The following IL1RAPL1 variants were observed in gnomAD, a reference collection of about 807,000 sequenced individuals.
IL1RAPL1 encodes the protein interleukin-1 receptor accessory protein-like 1.
A neutral mutation model predicts 48.4 loss-of-function variants in IL1RAPL1; 3 were observed. That is an observed-to-expected ratio of 0.06 (90% confidence interval 0.03 to 0.16). The LOEUF (loss-of-function observed/expected upper bound fraction) is 0.16, where lower values mean the gene tolerates loss of function less well. Among genes scored for constraint, IL1RAPL1 ranks in the 10% least tolerant of loss-of-function variants. The pLI, the probability that IL1RAPL1 is intolerant of heterozygous loss-of-function variation, is 1.00. For missense variants in IL1RAPL1, 349 were observed against 530.6 expected, an observed-to-expected ratio of 0.66 and a Z score of 3.36; for synonymous variants, 185 against 187.7, an observed-to-expected ratio of 0.99 and a Z score of 0.12.
At chrX:29,843,898 C>G (rs771989667) in intron 6 of IL1RAPL1, among the ~76,000 whole-genome samples, 4 of 110,504 alleles carry the variant, frequency 3.6e-5, no homozygotes, top group Admixed American at 2.9e-4. Context: ...CTGGACCCAC[C>G]CAGATATTCC....
rs751520561 is a variant in IL1RAPL1, at chrX:29,229,104, CATACA to C, written c.83-53828_83-53824del. ...GAGGCAGAATGAGAAAAATAAGCAACATACAATACATTTTTTCATAAAATTAAATT... is the reference window on the plus strand; with the variant it reads ...GAGGCAGAATGAGAAAAATAAGCAACATACATTTTTTCATAAAATTAAATT... On this transcript the variant is annotated intron_variant, in intron 2 of 10. Coordinates refer to ENST00000378993, the MANE Select transcript of IL1RAPL1 (RefSeq NM_014271.4). Among the ~76,000 whole-genome samples, 66 of 112,022 alleles carry C rather than the reference CATACA, an allele frequency of 5.9e-4. 3 individuals are homozygous for C. The highest frequency in any genetic ancestry group is 5.6e-3 in the Admixed American group (59 of 10,511).
intron 6 of IL1RAPL1, among the ~76,000 whole-genome samples, chrX:29,695,137 G>A (rs1926876262): frequency 8.9e-6 from 1 of 111,966 alleles, no homozygotes; most frequent in South Asian, 3.7e-4. Flanking sequence ...AACATTTACT[G>A]AGGACTACTC....
intron 6 of IL1RAPL1, among the ~76,000 whole-genome samples, chrX:29,807,841 A>T (rs1601834376): frequency 9.0e-6 from 1 of 111,171 alleles, no homozygotes; most frequent in East Asian, 2.8e-4. Context: ...AGCAAAGCGC[A>T]TGATTATGCA....
At chrX:28,990,452 A>G (rs1925577227) in intron 2 of IL1RAPL1, among the ~76,000 whole-genome samples, 1 of 112,204 alleles carries the variant, frequency 8.9e-6, no homozygotes, top group Non-Finnish European at 1.9e-5. Flanking sequence ...CCTTAGACAT[A>G]CTAAATAGTT....
At chrX:29,507,739 G>A (rs1455202789) in intron 5 of IL1RAPL1, among the ~76,000 whole-genome samples, 1 of 110,266 alleles carries the variant, frequency 9.1e-6, no homozygotes, top group Non-Finnish European at 1.9e-5. Context: ...TTTCTTTACT[G>A]ACAAATTTAA....
intron 5 of IL1RAPL1, among the ~76,000 whole-genome samples, chrX:29,665,986 A>G (rs954222551): frequency 2.2e-4 from 25 of 111,631 alleles, no homozygotes; most frequent in Admixed American, 1.0e-3. Context: ...AGATCTAGGA[A>G]GGATTCTAGT....
At chrX:29,846,787 T>TATATATATAC (rs1164345536) in intron 6 of IL1RAPL1, among the ~76,000 whole-genome samples, 80 of 41,326 alleles carry the variant, frequency 1.9e-3, no homozygotes, top group Non-Finnish European at 3.1e-3. Flanking sequence ...TGTATATATG[T>TATATATATAC]ATATATATGT....
At chrX:28,667,689 A>G (rs1286562774) in intron 1 of IL1RAPL1, among the ~76,000 whole-genome samples, 1 of 112,360 alleles carries the variant, frequency 8.9e-6, no homozygotes, top group Non-Finnish European at 1.9e-5. Context: ...GATGGTTTGT[A>G]AACAACAGAA....
chrX:29,108,683 G>A (rs1928498120), intron 2 of IL1RAPL1, among the ~76,000 whole-genome samples: 1 of 111,319 alleles, frequency 9.0e-6, no homozygotes, highest in Non-Finnish European at 1.9e-5. Flanking sequence ...TTACAGGAGT[G>A]AGCCACCACG....
chrX:29,232,599 G>T (rs746347228), intron 2 of IL1RAPL1, among the ~76,000 whole-genome samples: 1 of 111,109 alleles, frequency 9.0e-6, no homozygotes, highest in Admixed American at 9.6e-5. Context: ...TCTCTCAGAC[G>T]AGCATCCTCC....
chrX:29,640,883 G>A (rs1392133161), intron 5 of IL1RAPL1, among the ~76,000 whole-genome samples: 2 of 111,999 alleles, frequency 1.8e-5, no homozygotes, highest in South Asian at 3.7e-4. Flanking sequence ...AATCACCAGC[G>A]GCCAGATGCA....
intron 5 of IL1RAPL1, among the ~76,000 whole-genome samples, chrX:29,547,586 A>C (rs373202322): frequency 2.7e-4 from 30 of 111,969 alleles, no homozygotes; most frequent in Non-Finnish European, 4.7e-4. Context: ...TTATAGAGAA[A>C]TGACAATTTT....
chrX:29,744,042 C>T (rs1928272539), intron 6 of IL1RAPL1, among the ~76,000 whole-genome samples: 1 of 111,889 alleles, frequency 8.9e-6, no homozygotes, highest in East Asian at 2.8e-4. Context: ...CAAGCAGCGC[C>T]ATCACTGCCT....
intron 2 of IL1RAPL1, among the ~76,000 whole-genome samples, chrX:28,973,465 C>T (rs899321417): frequency 2.7e-5 from 3 of 111,843 alleles, no homozygotes; most frequent in Admixed American, 1.9e-4. Context: ...GCCCAAACAC[C>T]ACAGCTCCAT....
intron 2 of IL1RAPL1, among the ~76,000 whole-genome samples, chrX:28,989,909 AGTTAT>A (rs1013184518): frequency 2.7e-5 from 3 of 111,996 alleles, no homozygotes; most frequent in Non-Finnish European, 5.6e-5. Context: ...ATTTCTAGGT[AGTTAT>A]GTTAAATAGT....
chrX:28,734,003 G>A (rs1156677578), intron 1 of IL1RAPL1, among the ~76,000 whole-genome samples: 2 of 111,183 alleles, frequency 1.8e-5, no homozygotes, highest in African/African-American at 6.5e-5. Flanking sequence ...AAATTTCTTT[G>A]AGTCATCCTT....
intron 2 of IL1RAPL1, among the ~76,000 whole-genome samples, chrX:29,238,087 C>T (rs1461725586): frequency 9.0e-6 from 1 of 110,795 alleles, no homozygotes; most frequent in East Asian, 2.8e-4. Context: ...GCACAGTGCA[C>T]CGGATTTGTC....
intron 2 of IL1RAPL1, among the ~76,000 whole-genome samples, chrX:28,945,747 C>T (rs1323893446): frequency 9.1e-6 from 1 of 109,840 alleles, no homozygotes; most frequent in Non-Finnish European, 1.9e-5. Context: ...GCACTTGTAT[C>T]CCGGAACGTA....
At chrX:29,898,893 C>A (rs191643061) in intron 6 of IL1RAPL1, among the ~76,000 whole-genome samples, 111 of 111,975 alleles carry the variant, frequency 9.9e-4, no homozygotes, top group African/African-American at 3.3e-3. Context: ...GATACACTTT[C>A]TTTAGGTAGG....
Sources: allele counts gnomAD v4.1 joint callset (sites outside exome capture counted in the v4.1 genomes callset), GRCh38; gene constraint gnomAD v4.1.1; transcripts MANE v1.5; gene names NCBI Gene and HGNC (gene_info 2026-07-23, HGNC 2026-07-21).